Variants in RBFOX1 observed in about 807,000 individuals in gnomAD.
RBFOX1 encodes RNA binding protein fox-1 homolog 1.
Under a neutral mutation model 57.7 loss-of-function variants are expected in RBFOX1, and 8 were observed. The observed-to-expected ratio is 0.14, with a 90% CI of 0.08 to 0.25. The LOEUF (loss-of-function observed/expected upper bound fraction) is 0.25, where lower values mean the gene tolerates loss of function less well. Ranked by LOEUF, RBFOX1 falls within the 10% of genes least tolerant of loss-of-function variation. The probability of loss-of-function intolerance (pLI) is 1.00; values close to 1 mark genes in which losing one functional copy is unlikely to be tolerated. For synonymous variants in RBFOX1, 326 were observed against 222.4 expected (o/e 1.47, Z -4.15); for missense variants, 611 against 548.5 (o/e 1.11, Z -1.14).
intron 4 of RBFOX1, among the ~76,000 whole-genome samples, chr16:5,921,983 C>G (rs1190502258): frequency 6.8e-6 from 1 of 146,778 alleles, no homozygotes; most frequent in Non-Finnish European, 1.5e-5. Context: ...TGGACGCCAT[C>G]TTCACAAAAA....
At chr16:6,953,021 C>T (rs2081075200) in intron 3 of RBFOX1, among the ~76,000 whole-genome samples, 1 of 152,076 alleles carries the variant, frequency 6.6e-6, no homozygotes, top group South Asian at 2.1e-4. Flanking sequence ...CTTTACCTCA[C>T]CTGGCAATGT....
chr16:6,852,494 G>C lies in RBFOX1; in HGVS notation c.-16+197844G>C, dbSNP rs182607126. On this transcript the variant is annotated intron_variant, in intron 3 of 15. Coordinates refer to ENST00000550418, the MANE Select transcript of RBFOX1 (RefSeq NM_018723.4). ...GCTTATTAGGGTAAGTGTGAGAACA[G>C]TCTTACAAGTAGGGAACAATTCCTT... Among the ~76,000 whole-genome samples, 27 of 152,354 alleles carry C rather than the reference G, an allele frequency of 1.8e-4. No individual in the cohort carries two copies. The East Asian group carries it at 3.7e-3, about 21-fold the overall frequency.
chr16:6,470,189 G>A (rs1357836390), intron 2 of RBFOX1, among the ~76,000 whole-genome samples: 1 of 152,208 alleles, frequency 6.6e-6, no homozygotes, highest in African/African-American at 2.4e-5. Context: ...AGGGCTGGCT[G>A]TTTGTCTTAG....
intron 3 of RBFOX1, among the ~76,000 whole-genome samples, chr16:6,985,468 C>G (rs2090032845): frequency 6.6e-6 from 1 of 152,122 alleles, no homozygotes; most frequent in South Asian, 2.1e-4. Flanking sequence ...GGCAAAATAG[C>G]TAGTCCACAT....
chr16:5,748,110 T>A (rs1443727652), intron 3 of RBFOX1, among the ~76,000 whole-genome samples: 1 of 152,224 alleles, frequency 6.6e-6, no homozygotes, highest in Non-Finnish European at 1.5e-5. Context: ...ACATCTTTAT[T>A]TCTGCCTTCA....
chr16:5,348,866 C>T (rs1183170345), intron 1 of RBFOX1, among the ~76,000 whole-genome samples: 1 of 152,224 alleles, frequency 6.6e-6, no homozygotes, highest in Non-Finnish European at 1.5e-5. Flanking sequence ...GTGAATAGTG[C>T]TGCACCAAAC....
At chr16:7,703,120 G>T (rs1290000023) in intron 14 of RBFOX1, among the ~76,000 whole-genome samples, 1 of 152,052 alleles carries the variant, frequency 6.6e-6, no homozygotes, top group East Asian at 1.9e-4. Context: ...AACCACAGTT[G>T]GTGCCCTGTT....
At chr16:7,410,271 C>A (rs2098410440) in intron 4 of RBFOX1, among the ~76,000 whole-genome samples, 1 of 152,222 alleles carries the variant, frequency 6.6e-6, no homozygotes, top group African/African-American at 2.4e-5. Flanking sequence ...AACACAGCCA[C>A]TGTCTATTAC....
At chr16:7,304,548 C>A in intron 4 of RBFOX1, 1 of 985,320 alleles carries the variant, frequency 1.0e-6, no homozygotes, top group Non-Finnish European at 1.2e-6. Context: ...GGTCCCCGCG[C>A]GTACTGGGCT....
chr16:7,663,263 C>T (rs965016009), intron 12 of RBFOX1, among the ~76,000 whole-genome samples: 1 of 152,220 alleles, frequency 6.6e-6, no homozygotes, highest in Non-Finnish European at 1.5e-5. Context: ...ACCTCAGCAT[C>T]TTGGATTAGG....
chr16:6,085,503 T>G (rs541575784), intron 1 of RBFOX1, among the ~76,000 whole-genome samples: 4 of 152,264 alleles, frequency 2.6e-5, no homozygotes, highest in African/African-American at 9.6e-5. Context: ...ACTCCCGACT[T>G]CAGGTGATCT....
chr16:5,523,699 G>A (rs1354596537), intron 2 of RBFOX1, among the ~76,000 whole-genome samples: 12 of 152,228 alleles, frequency 7.9e-5, no homozygotes, highest in Non-Finnish European at 1.5e-5. Flanking sequence ...AAAATACCCA[G>A]TAGTGGAGTT....
chr16:5,549,294 C>G (rs944149729), intron 2 of RBFOX1, among the ~76,000 whole-genome samples: 1 of 152,222 alleles, frequency 6.6e-6, no homozygotes, highest in African/African-American at 2.4e-5. Flanking sequence ...ACTCTCTGAG[C>G]TTGACTGTTC....
chr16:6,517,276 G>A (rs757299958), intron 2 of RBFOX1, among the ~76,000 whole-genome samples: 1 of 152,138 alleles, frequency 6.6e-6, no homozygotes, highest in African/African-American at 2.4e-5. Flanking sequence ...TGCATATTCA[G>A]TTTGCTCTAA....
At chr16:6,994,261 A>C (rs1394328953) in intron 3 of RBFOX1, among the ~76,000 whole-genome samples, 1 of 152,312 alleles carries the variant, frequency 6.6e-6, no homozygotes, top group East Asian at 1.9e-4. Context: ...AGTTTTATCT[A>C]ATGGAATTCT....
At chr16:7,440,547 CG>C (rs140862375) in intron 4 of RBFOX1, among the ~76,000 whole-genome samples, 2,088 of 152,158 alleles carry the variant, frequency 0.014, 55 homozygotes, top group African/African-American at 0.047. Flanking sequence ...AATCCTCAGG[CG>C]TATAGGCAAT....
intron 4 of RBFOX1, among the ~76,000 whole-genome samples, chr16:7,449,982 G>C (rs1274457429): frequency 2.6e-5 from 4 of 152,136 alleles, no homozygotes; most frequent in African/African-American, 9.7e-5. Context: ...ATCAGGGAGG[G>C]AGAAGGGCAC....
At chr16:6,182,568 G>T (rs1305315836) in intron 1 of RBFOX1, among the ~76,000 whole-genome samples, 3 of 151,992 alleles carry the variant, frequency 2.0e-5, no homozygotes, top group African/African-American at 7.2e-5. Context: ...TATTGAATTG[G>T]TCTAATATTT....
chr16:7,210,879 C>T (rs146158188), intron 4 of RBFOX1, among the ~76,000 whole-genome samples: 1 of 150,846 alleles, frequency 6.6e-6, no homozygotes, highest in East Asian at 1.9e-4. Flanking sequence ...TGGTAATTTG[C>T]CAAAAGGGTA....
Sources: gnomAD v4.1 joint callset for allele counts (sites outside exome capture counted in the v4.1 genomes callset) on GRCh38, gnomAD v4.1.1 for gene constraint, MANE v1.5 for transcripts, NCBI Gene and HGNC (gene_info 2026-07-23, HGNC 2026-07-21) for gene names.